Variants in EFEMP1 observed in about 807,000 individuals in gnomAD.
EFEMP1 encodes EGF-like fibulin extracellular matrix protein 1.
A neutral mutation model predicts 65.7 loss-of-function variants in EFEMP1; 18 were observed. That is an observed-to-expected ratio of 0.27 (90% confidence interval 0.19 to 0.41). The LOEUF is 0.41. EFEMP1 is among the 10% of genes least tolerant of loss of function. EFEMP1 has a pLI of 1.00. For synonymous variants in EFEMP1, 237 were observed against 219.7 expected (o/e 1.08, Z -0.70); for missense variants, 469 against 624.8 (o/e 0.75, Z 2.66).
At chr2:55,918,870 T>TTTTA (rs1314781942) in intron 3 of EFEMP1, among the ~76,000 whole-genome samples, 4 of 152,096 alleles carry the variant, frequency 2.6e-5, no homozygotes, top group African/African-American at 9.7e-5. Context: ...AACCAGGCAG[T>TTTTA]TTTAGGGCCT....
In EFEMP1 at chr2:55,883,469, G is replaced by A. The variant is rs1406929437; in HGVS notation, c.518-1735C>T. On this transcript the variant is annotated intron_variant, in intron 5 of 11. Transcript: ENST00000355426. The surrounding 1 kb of genome is among the most constrained non-coding windows in gnomAD (Gnocchi z 4.5). The stretch of plus-strand genomic sequence containing the variant: ...ACTCGTTAATGCAGAAATGACAGCA[G>A]AGTATCTATTGTTTTATGTCAAGAA... Among the ~76,000 whole-genome samples the A allele has an allele frequency of 2.0e-5, 3 of 152,194 alleles. No homozygotes were observed. The highest frequency in any genetic ancestry group is 2.9e-5 in the Non-Finnish European group (2 of 68,040).
chr2:55,876,651 C>T lies in EFEMP1; in HGVS notation c.852G>A (p.Glu284=). ...SFICQCNQGY[E]LSSDRLNCED... is the part of the protein sequence containing the mutation. ...CACAGTTGAGCCTGTCACTGCTTAG[C>T]TCATATCCTTGATTGCACTGACAGA... Residue 284 remains glutamate, a synonymous_variant, in exon 8 of 12, where the codon GAG becomes GAA. Transcript: ENST00000355426. 20 of 1,612,376 alleles carry T rather than the reference C, an allele frequency of 1.2e-5. No homozygotes were observed. The highest frequency in any genetic ancestry group is 1.6e-5 in the Non-Finnish European group (19 of 1,178,884).
chr2:55,895,725 T>G (rs530349026), intron 5 of EFEMP1, among the ~76,000 whole-genome samples: 56 of 151,834 alleles, frequency 3.7e-4, no homozygotes, highest in Middle Eastern at 6.8e-3. Context: ...GTATTTTTAG[T>G]AGAGACGGGG....
chr2:55,876,998 CAGTT>C (rs950003766), intron 7 of EFEMP1, among the ~76,000 whole-genome samples: 21 of 151,950 alleles, frequency 1.4e-4, no homozygotes, highest in Non-Finnish European at 3.1e-4. Context: ...CTAGGAATGA[CAGTT>C]AGTTTGATGT....
chr2:55,902,044 G>C (rs1334113600), intron 5 of EFEMP1, among the ~76,000 whole-genome samples: 1 of 152,214 alleles, frequency 6.6e-6, no homozygotes, highest in Non-Finnish European at 1.5e-5. Flanking sequence ...GTCGAGCTTT[G>C]AATGAGCTGC....
intron 11 of EFEMP1, among the ~76,000 whole-genome samples, chr2:55,868,155 T>C (rs1451982814): frequency 6.6e-6 from 1 of 152,236 alleles, no homozygotes; most frequent in Non-Finnish European, 1.5e-5. Context: ...GCTTTATTCA[T>C]TGTTGTGTCT....
At chr2:55,898,150 C>T (rs776462770) in intron 5 of EFEMP1, among the ~76,000 whole-genome samples, 1 of 152,148 alleles carries the variant, frequency 6.6e-6, no homozygotes, top group Non-Finnish European at 1.5e-5. Context: ...GCTGATTGTT[C>T]AGTAGACCAT....
intron 11 of EFEMP1, among the ~76,000 whole-genome samples, chr2:55,868,289 G>C (rs1412898545): frequency 6.6e-6 from 1 of 152,070 alleles, no homozygotes; most frequent in Non-Finnish European, 1.5e-5. Flanking sequence ...TATGTGCCAG[G>C]TACCATTCTA....
intron 5 of EFEMP1, among the ~76,000 whole-genome samples, chr2:55,902,617 C>A (rs1165630123): frequency 6.6e-6 from 1 of 152,232 alleles, no homozygotes; most frequent in African/African-American, 2.4e-5. Context: ...CTGCAGTGAT[C>A]TAGCTTTTAA....
intron 5 of EFEMP1, among the ~76,000 whole-genome samples, chr2:55,901,424 T>C (rs966640498): frequency 2.6e-5 from 4 of 152,276 alleles, no homozygotes; most frequent in South Asian, 2.1e-4. Context: ...TTGAGGAGGA[T>C]TGATAGCATT....
rs541394076 is a variant in EFEMP1 at position 55,873,034 on chromosome 2, A to G, written c.1001-1911T>C. Among the ~76,000 whole-genome samples the G allele has an allele frequency of 1.4e-5, 2 of 147,004 alleles. No individual in the cohort carries two copies. The highest frequency in any genetic ancestry group is 3.0e-5 in the Non-Finnish European group (2 of 66,818). On this transcript the variant is annotated intron_variant, in intron 9 of 11. Transcript: ENST00000355426. The surrounding 1 kb of genome is among the most constrained non-coding windows in gnomAD (Gnocchi z 4.6). The stretch of plus-strand genomic sequence containing the variant: ...ATTTGATGAGTGTGTGTCTATGTGT[A>G]TGTGTATTCTTTTGTCTCTCTGTCT...
rs961501948 is a variant in EFEMP1, at chr2:55,885,969, A to G, written c.518-4235T>C. Among the ~76,000 whole-genome samples the G allele has an allele frequency of 1.3e-5, 2 of 152,166 alleles. No individual in the cohort carries two copies. The highest frequency in any genetic ancestry group is 6.5e-5 in the Admixed American group (1 of 15,276). On this transcript the variant is annotated intron_variant, in intron 5 of 11. Transcript: ENST00000355426. This position sits in a 1 kb window ranked among gnomAD's most constrained non-coding sequence, Gnocchi z 4.3. ...TCTTTCCATAATTTGATAACTTACCACAACATGGAGTCCCTTTAGCATGTT... is the reference window on the plus strand; with the variant it reads ...TCTTTCCATAATTTGATAACTTACCGCAACATGGAGTCCCTTTAGCATGTT...
intron 5 of EFEMP1, among the ~76,000 whole-genome samples, chr2:55,901,544 T>G (rs573070428): frequency 1.3e-5 from 2 of 152,284 alleles, no homozygotes; most frequent in African/African-American, 4.8e-5. Context: ...TTAGGCTGCC[T>G]ATCTGCATGA....
In EFEMP1 at chr2:55,866,931, C is replaced by A; in HGVS notation, c.*142G>T. The A allele has an allele frequency of 9.3e-7, 1 of 1,074,388 alleles. No homozygotes were observed. Among genetic ancestry groups the A allele is most frequent in the Admixed American group, 2.1e-5 (1 of 47,900 alleles). 66.6% of individuals were successfully genotyped at this position (1,074,388 alleles called of 1,614,324 possible). ...TACATATTAAATGCCCACTTTATAC[C>A]ATGGTGTAATTGTTTGAATTATGGG... On this transcript the variant is annotated 3_prime_UTR_variant, in exon 12 of 12. Transcript: ENST00000355426.
intron 5 of EFEMP1, among the ~76,000 whole-genome samples, chr2:55,888,856 G>T (rs1434851671): frequency 4.6e-5 from 7 of 152,112 alleles, no homozygotes; most frequent in Non-Finnish European, 1.0e-4. Flanking sequence ...GATGGCCTTG[G>T]GAGGAATTAA....
intron 5 of EFEMP1, among the ~76,000 whole-genome samples, chr2:55,896,420 T>G (rs146708992): frequency 1.3e-5 from 2 of 152,322 alleles, no homozygotes; most frequent in East Asian, 3.9e-4. Context: ...TGCAGTTATA[T>G]TCTATGTGGA....
chr2:55,874,868 G>C (rs573920114), intron 9 of EFEMP1, 78 bp downstream of exon 9: 2 of 1,487,136 alleles, frequency 1.3e-6, no homozygotes, highest in South Asian at 2.4e-5. Flanking sequence ...AAAGTCTATA[G>C]GAGAATCCTA....
Position 55,870,259 on chromosome 2 carries a change from A to G in EFEMP1, c.1320+461T>C, listed in dbSNP as rs114310211. Reference sequence around the variant, plus strand: ...ATGATGAATTCATGATGTCTGAAAAACTCTTTAGGAGCTCCAGGAATTATT... The same window carrying G: ...ATGATGAATTCATGATGTCTGAAAAGCTCTTTAGGAGCTCCAGGAATTATT... On this transcript the variant is annotated intron_variant, in intron 11 of 11. Transcript: ENST00000355426. The surrounding 1 kb of genome is among the most constrained non-coding windows in gnomAD (Gnocchi z 5.8). Among the ~76,000 whole-genome samples the G allele has an allele frequency of 2.1e-3, 314 of 148,742 alleles. 1 individual carries two copies. The highest frequency in any genetic ancestry group is 7.6e-3 in the African/African-American group (305 of 40,198).
In EFEMP1 at chr2:55,866,986, C is replaced by T. The variant is rs529125316; in HGVS notation, c.*87G>A. On this transcript the variant is annotated 3_prime_UTR_variant, in exon 12 of 12. Transcript: ENST00000355426. Reference sequence around the variant, plus strand: ...TGTACAGTATAGAGATGTAGATGCACTAGATATATCTATAAATAAAATAGT... The same window carrying T: ...TGTACAGTATAGAGATGTAGATGCATTAGATATATCTATAAATAAAATAGT... 5 of 1,517,756 alleles carry T rather than the reference C, an allele frequency of 3.3e-6. 1 individual carries two copies. The South Asian group carries it at 5.7e-5, about 17-fold the overall frequency. 94.0% of individuals were successfully genotyped at this position (1,517,756 alleles called of 1,614,324 possible).
Sources: allele counts gnomAD v4.1 joint callset (sites outside exome capture counted in the v4.1 genomes callset), GRCh38; gene constraint gnomAD v4.1.1; non-coding constraint Gnocchi (gnomAD v3.1); transcripts MANE v1.5; gene names NCBI Gene and HGNC (gene_info 2026-07-23, HGNC 2026-07-21).